Variants in B3GLCT observed in about 807,000 individuals in gnomAD.
The protein encoded by B3GLCT is beta 3-glucosyltransferase.
A neutral mutation model predicts 63.4 loss-of-function variants in B3GLCT; 65 were observed. The ratio of observed to expected loss-of-function variants is 1.03; its 90% CI spans 0.84 to 1.26. The LOEUF is 1.26. B3GLCT is among the 50% of genes most tolerant of loss of function. The pLI is 0.00. For synonymous variants in B3GLCT, 233 were observed against 219.2 expected (o/e 1.06, Z -0.55); for missense variants, 577 against 604.8 (o/e 0.95, Z 0.48).
intron 12 of B3GLCT, among the ~76,000 whole-genome samples, chr13:31,298,294 C>G (rs1874055931): frequency 6.6e-6 from 1 of 152,146 alleles, no homozygotes; most frequent in Admixed American, 6.5e-5. Context: ...CTTCAGATAC[C>G]TTACATCAAA....
In B3GLCT at chr13:31,315,924, C is replaced by T. The variant is rs577492059; in HGVS notation, c.1065-1642C>T. Among the ~76,000 whole-genome samples the T allele has an allele frequency of 2.6e-5, 4 of 152,308 alleles. No homozygotes were observed. In the South Asian group the frequency reaches 8.3e-4, roughly 32 times the overall value. On this transcript the variant is annotated intron_variant, in intron 12 of 14. Transcript: ENST00000343307. Reference sequence around the variant, plus strand: ...GGGCCAAGGTACAGCTTGGCTTTTGCTTCAGAGGGTGCAAACCCCAAGCTT... The same window carrying T: ...GGGCCAAGGTACAGCTTGGCTTTTGTTTCAGAGGGTGCAAACCCCAAGCTT...
chr13:31,317,795 ATGG>A, intron 13 of B3GLCT, 110 bp downstream of exon 13: 1 of 1,327,042 alleles, frequency 7.5e-7, no homozygotes, highest in Non-Finnish European at 1.1e-6. Flanking sequence ...TACTCTGTGA[ATGG>A]TGGTTGTTAC....
intron 4 of B3GLCT, among the ~76,000 whole-genome samples, chr13:31,230,877 G>A (rs1870344358): frequency 6.6e-6 from 1 of 152,076 alleles, no homozygotes; most frequent in African/African-American, 2.4e-5. Context: ...GCGTGGTGGT[G>A]TGCGCCTGTA....
At chr13:31,262,663 A>G (rs1051455290) in intron 7 of B3GLCT, among the ~76,000 whole-genome samples, 4 of 152,314 alleles carry the variant, frequency 2.6e-5, no homozygotes, top group Non-Finnish European at 5.9e-5. Context: ...AGTGTCCAGC[A>G]GCCTTATGTT....
intron 6 of B3GLCT, among the ~76,000 whole-genome samples, chr13:31,253,883 A>G (rs1357530052): frequency 5.9e-5 from 9 of 152,188 alleles, no homozygotes; most frequent in South Asian, 4.1e-4. Context: ...AATACAAACT[A>G]CTATCAGAGA....
chr13:31,272,487 A>T (rs1872616734), intron 8 of B3GLCT, among the ~76,000 whole-genome samples: 1 of 152,080 alleles, frequency 6.6e-6, no homozygotes, highest in Non-Finnish European at 1.5e-5. Context: ...AAGTGCTGGG[A>T]TTACAGGAGT....
chr13:31,260,985 A>G lies in B3GLCT; in HGVS notation c.499A>G (p.Thr167Ala). The G allele has an allele frequency of 6.2e-6, 10 of 1,614,042 alleles. No homozygotes were observed. Among genetic ancestry groups the G allele is most frequent in the Non-Finnish European group, 6.8e-6 (8 of 1,179,902 alleles). Residue 167 changes from threonine (T) to alanine (A), a missense_variant, in exon 7 of 15, where the codon ACA becomes GCA. By Grantham distance (58) the Thr-to-Ala change is moderately conservative. Coordinates refer to ENST00000343307, the MANE Select transcript of B3GLCT (RefSeq NM_194318.4). ...LGKALHDEEA[T>A]IIHHYAFSEN... is the part of the protein sequence containing the mutation. ...AAAAGCATTACATGATGAAGAAGCT[A>G]CAATAATTCACCATTATGCCTTTTC...
intron 7 of B3GLCT, 96 bp downstream of exon 7, chr13:31,261,178 A>G: frequency 7.0e-7 from 1 of 1,430,674 alleles, no homozygotes; most frequent in East Asian, 2.3e-5. Flanking sequence ...AGGATCTCAA[A>G]TGAGTTTTTC....
intron 4 of B3GLCT, among the ~76,000 whole-genome samples, chr13:31,235,444 G>A (rs9572141): frequency 0.1 from 15,952 of 151,974 alleles, 2,073 homozygotes; most frequent in East Asian, 0.45. Context: ...GGGCAGAGTC[G>A]GAGCAGACTG....
intron 1 of B3GLCT, among the ~76,000 whole-genome samples, chr13:31,205,844 G>T (rs1174620751): frequency 3.3e-5 from 5 of 152,092 alleles, no homozygotes; most frequent in Non-Finnish European, 7.3e-5. Context: ...TAAAGCTGAG[G>T]GTTTAGACAA....
intron 10 of B3GLCT, among the ~76,000 whole-genome samples, chr13:31,278,341 A>T (rs1026004217): frequency 6.6e-6 from 1 of 152,096 alleles, no homozygotes; most frequent in Non-Finnish European, 1.5e-5. Context: ...CTTATTTTGC[A>T]TAAGTTTGAG....
chr13:31,224,809 G>A (rs73172848), intron 3 of B3GLCT, among the ~76,000 whole-genome samples: 39 of 152,208 alleles, frequency 2.6e-4, no homozygotes, highest in Non-Finnish European at 4.4e-4. Flanking sequence ...TATATCAGAA[G>A]TACATCGTAT....
chr13:31,219,395 G>C (rs564564451), intron 2 of B3GLCT, among the ~76,000 whole-genome samples: 2 of 152,288 alleles, frequency 1.3e-5, no homozygotes, highest in Admixed American at 6.5e-5. Flanking sequence ...TCACTTTACT[G>C]TTTTATATTA....
At chr13:31,231,223 C>T (rs1330131151) in intron 4 of B3GLCT, among the ~76,000 whole-genome samples, 2 of 152,046 alleles carry the variant, frequency 1.3e-5, no homozygotes, top group African/African-American at 4.8e-5. Context: ...ATCCATCCCT[C>T]AGGTGGATCC....
chr13:31,274,781 G>A (rs1325784580), intron 9 of B3GLCT, among the ~76,000 whole-genome samples, 153 bp downstream of exon 9: 1 of 152,202 alleles, frequency 6.6e-6, no homozygotes, highest in Admixed American at 6.5e-5. Context: ...TAAGGTTTGG[G>A]CTTCTGCTGA....
chr13:31,289,823 T>C (rs1593299590), intron 12 of B3GLCT, among the ~76,000 whole-genome samples: 1 of 151,968 alleles, frequency 6.6e-6, no homozygotes, highest in African/African-American at 2.4e-5. Context: ...CCAGAATGGA[T>C]TTTTTTTATT....
At chr13:31,236,572 A>C (rs562185573) in intron 4 of B3GLCT, among the ~76,000 whole-genome samples, 1 of 152,196 alleles carries the variant, frequency 6.6e-6, no homozygotes, top group African/African-American at 2.4e-5. Flanking sequence ...TTGTTCTGAA[A>C]TTCTTTGCTT....
chr13:31,325,068 A>G (rs1875539141), intron 14 of B3GLCT, among the ~76,000 whole-genome samples: 1 of 152,226 alleles, frequency 6.6e-6, no homozygotes, highest in South Asian at 2.1e-4. Context: ...AAAACTTAGC[A>G]TGACAGAAAT....
intron 1 of B3GLCT, among the ~76,000 whole-genome samples, chr13:31,211,301 G>T (rs1869246370): frequency 6.6e-6 from 1 of 152,150 alleles, no homozygotes. Context: ...GGCTAAGGTA[G>T]GAGAGAATCG....
Sources: gnomAD v4.1 joint callset for allele counts (sites outside exome capture counted in the v4.1 genomes callset) on GRCh38, gnomAD v4.1.1 for gene constraint, MANE v1.5 for transcripts, NCBI Gene and HGNC (gene_info 2026-07-23, HGNC 2026-07-21) for gene names.